The following CIMIP5 variants were observed in gnomAD, a reference collection of about 807,000 sequenced individuals.
The protein encoded by CIMIP5 is ciliary microtubule inner protein 5, also known as uncharacterized protein C2orf50.
At chr2:11,139,689 A>G in the CIMIP5 span, among the ~76,000 whole-genome samples, 3 of 152,174 alleles carry the variant, frequency 2.0e-5, no homozygotes, top group Admixed American at 6.5e-5. Flanking sequence ...GTGACATCAT[A>G]TTTGTCGTTC....
the CIMIP5 span, among the ~76,000 whole-genome samples, chr2:11,152,890 C>T: frequency 5.0e-3 from 768 of 152,324 alleles, 1 homozygote; most frequent in Admixed American, 8.5e-3. Flanking sequence ...CCCCCATCCC[C>T]ACAGCTTCAG....
At chr2:11,144,145 G>A in the CIMIP5 span, 1 of 1,517,462 alleles carries the variant, frequency 6.6e-7, no homozygotes, top group Non-Finnish European at 8.8e-7. Flanking sequence ...TTCCCCAGGT[G>A]GGTGTGGGTG....
the CIMIP5 span, chr2:11,133,509 C>T: frequency 1.9e-6 from 3 of 1,608,410 alleles, no homozygotes; most frequent in East Asian, 2.2e-5. Flanking sequence ...GCGGGTGGCT[C>T]AGGGAGCTGC....
chr2:11,150,341 T>C, the CIMIP5 span, among the ~76,000 whole-genome samples: 3 of 2,208 alleles, frequency 1.4e-3, no homozygotes, highest in East Asian at 0.5. Flanking sequence ...ATTTTTTTTC[T>C]TTTTTTTTTG....
chr2:11,138,454 G>A, the CIMIP5 span, among the ~76,000 whole-genome samples: 11 of 152,160 alleles, frequency 7.2e-5, no homozygotes, highest in African/African-American at 2.7e-4. Context: ...AAAGGGAAGG[G>A]CAGGGGTAAG....
chr2:11,145,897 C>A, the CIMIP5 span: 1 of 152,228 alleles, frequency 6.6e-6, no homozygotes. Context: ...ATAGCCCACA[C>A]TTCTAGGGTA....
At chr2:11,144,143 G>A in the CIMIP5 span, 2 of 1,517,566 alleles carry the variant, frequency 1.3e-6, no homozygotes, top group African/African-American at 1.4e-5. Context: ...CCTTCCCCAG[G>A]TGGGTGTGGG....
At chr2:11,133,146 C>G in the CIMIP5 span, 57 of 599,210 alleles carry the variant, frequency 9.5e-5, no homozygotes, top group Non-Finnish European at 1.4e-4. Context: ...CTCCCCAGCC[C>G]GGAGAGCCCT....
the CIMIP5 span, among the ~76,000 whole-genome samples, chr2:11,151,160 G>A: frequency 1.3e-5 from 2 of 152,206 alleles, no homozygotes; most frequent in African/African-American, 4.8e-5. Context: ...CCCCCTCTTC[G>A]AGTTGTCCTG....
chr2:11,152,488 T>G, the CIMIP5 span, among the ~76,000 whole-genome samples: 1 of 152,176 alleles, frequency 6.6e-6, no homozygotes, highest in Non-Finnish European at 1.5e-5. Context: ...TTTCCTGTTA[T>G]AATTTTTGCA....
the CIMIP5 span, chr2:11,133,654 T>C: frequency 6.5e-7 from 1 of 1,538,814 alleles, no homozygotes; most frequent in Non-Finnish European, 8.7e-7. Flanking sequence ...TGGGGAAGGT[T>C]TTGGAGAAAG....
chr2:11,137,889 A>G, the CIMIP5 span, among the ~76,000 whole-genome samples: 12 of 152,224 alleles, frequency 7.9e-5, no homozygotes, highest in Non-Finnish European at 1.5e-4. Flanking sequence ...TCTGTCACCC[A>G]GGCTGGAGTG....
chr2:11,140,423 A>G, the CIMIP5 span: 1 of 834,020 alleles, frequency 1.2e-6, no homozygotes, highest in Non-Finnish European at 1.8e-6. Flanking sequence ...CACGTGATAC[A>G]TTGTTGCATT....
the CIMIP5 span, among the ~76,000 whole-genome samples, chr2:11,139,508 C>G: frequency 6.6e-6 from 1 of 152,196 alleles, no homozygotes; most frequent in African/African-American, 2.4e-5. Flanking sequence ...TGGTCCCTCC[C>G]TTTTCCTACC....
the CIMIP5 span, among the ~76,000 whole-genome samples, chr2:11,150,877 A>G: frequency 6.6e-6 from 1 of 152,048 alleles, no homozygotes; most frequent in Non-Finnish European, 1.5e-5. Context: ...AAGAATTAAA[A>G]AAAAAAACAA....
At chr2:11,143,981 C>G in the CIMIP5 span, 1 of 1,607,366 alleles carries the variant, frequency 6.2e-7, no homozygotes, top group East Asian at 2.2e-5. Context: ...GACACAGTTC[C>G]CAGTTCCACG....
At chr2:11,145,673 G>C in the CIMIP5 span, 9 of 152,206 alleles carry the variant, frequency 5.9e-5, no homozygotes, top group Non-Finnish European at 1.3e-4. Context: ...TCCAGGCCTG[G>C]TCCATGAGAC....
At chr2:11,148,927 GT>G in the CIMIP5 span, among the ~76,000 whole-genome samples, 2 of 151,126 alleles carry the variant, frequency 1.3e-5, no homozygotes, top group East Asian at 3.9e-4. Flanking sequence ...AGAGACGGGG[GT>G]TCACCATGTT....
At chr2:11,154,348 GT>G in the CIMIP5 span, among the ~76,000 whole-genome samples, 53 of 147,996 alleles carry the variant, frequency 3.6e-4, 1 homozygote, top group East Asian at 9.8e-4. Flanking sequence ...CTCAGCACCT[GT>G]TTTTTTTTTT....
Sources: allele counts gnomAD v4.1 joint callset (sites outside exome capture counted in the v4.1 genomes callset), GRCh38; gene constraint gnomAD v4.1.1; transcripts MANE v1.5; gene names NCBI Gene and HGNC (gene_info 2026-07-23, HGNC 2026-07-21).